The following KLHDC10 variants were observed in gnomAD, a reference collection of about 807,000 sequenced individuals.
The protein encoded by KLHDC10 is kelch domain-containing protein 10.
In KLHDC10, 24 loss-of-function variants were observed where a neutral mutation model predicts 56.1. The observed-to-expected ratio is 0.43, with a 90% CI of 0.31 to 0.60. The LOEUF (loss-of-function observed/expected upper bound fraction) is 0.60. KLHDC10 is among the 20% of genes least tolerant of loss of function. KLHDC10 has a pLI of 0.11. For synonymous variants in KLHDC10, 188 were observed against 207.1 expected, an observed-to-expected ratio of 0.91 and a Z score of 0.79; for missense variants, 349 against 567.0, an observed-to-expected ratio of 0.62 and a Z score of 3.91.
intron 1 of KLHDC10, among the ~76,000 whole-genome samples, chr7:130,090,767 C>CAT (rs1554464149): frequency 6.7e-5 from 10 of 148,254 alleles, no homozygotes; most frequent in African/African-American, 1.5e-4. Context: ...TACACATACT[C>CAT]GTGTGTGTGT....
intron 2 of KLHDC10, among the ~76,000 whole-genome samples, chr7:130,103,278 T>G (rs1183002675): frequency 6.6e-6 from 1 of 151,914 alleles, no homozygotes; most frequent in Non-Finnish European, 1.5e-5. Flanking sequence ...ACAAAAAAAT[T>G]AGCCAGGCGT....
chr7:130,090,565 G>C (rs1795757182), intron 1 of KLHDC10, among the ~76,000 whole-genome samples: 1 of 151,706 alleles, frequency 6.6e-6, no homozygotes, highest in Non-Finnish European at 1.5e-5. Flanking sequence ...TCTTGCCTGG[G>C]TGACAGAGCA....
chr7:130,078,602 T>A (rs1334271099), intron 1 of KLHDC10, among the ~76,000 whole-genome samples: 1 of 151,814 alleles, frequency 6.6e-6, no homozygotes, highest in Admixed American at 6.6e-5. Context: ...CACTGCAACC[T>A]CTGCCTCCCG....
chr7:130,087,790 C>T (rs944969030), intron 1 of KLHDC10, among the ~76,000 whole-genome samples: 2 of 149,526 alleles, frequency 1.3e-5, no homozygotes, highest in South Asian at 4.2e-4. Flanking sequence ...AATGGAGTCT[C>T]GCTCTTGTCA....
At chr7:130,079,378 A>G (rs905429893) in intron 1 of KLHDC10, among the ~76,000 whole-genome samples, 1 of 152,108 alleles carries the variant, frequency 6.6e-6, no homozygotes, top group Non-Finnish European at 1.5e-5. Context: ...TTTTTAATAA[A>G]TACTTTATTT....
At chr7:130,072,938 TAG>T (rs956705171) in intron 1 of KLHDC10, among the ~76,000 whole-genome samples, 216 of 152,186 alleles carry the variant, frequency 1.4e-3, no homozygotes, top group African/African-American at 4.9e-3. Flanking sequence ...GTATTTTTAG[TAG>T]AGACGGGATT....
rs756425261 is a variant in KLHDC10, at chr7:130,133,423, G to T, written c.*2677G>T. On this transcript the variant is annotated 3_prime_UTR_variant, in exon 10 of 10. Transcript: ENST00000335420. ...TGGATATATACAGATTATATATAGGGTGTAACTATAAAGCAGGTAGACTAC... is the reference window on the plus strand; with the variant it reads ...TGGATATATACAGATTATATATAGGTTGTAACTATAAAGCAGGTAGACTAC... 1 of 152,196 alleles carries T rather than the reference G, an allele frequency of 6.6e-6. No individual in the cohort carries two copies. Among genetic ancestry groups the T allele is most frequent in the African/African-American group, 2.4e-5 (1 of 41,450 alleles). The allele number at this position is 152,196 out of a possible 1,614,324, so 9.4% of individuals were successfully genotyped here.
Position 130,129,441 on chromosome 7 carries a change from A to G in KLHDC10, c.984A>G (p.Val328=). ...GGCTTTCTCTTTTCTTCATAGATGT[A>G]TTTATTTGTGGGGGCTATAATGGAG... The part of the protein sequence containing the change: ...CHSCVQIKND[V]FICGGYNGEV... Residue 328 remains valine (V), a synonymous_variant, in exon 9 of 10, where the codon GTA becomes GTG. Transcript: ENST00000335420. The G allele has an allele frequency of 6.2e-7, 1 of 1,613,760 alleles. No individual in the cohort carries two copies. Among genetic ancestry groups the G allele is most frequent in the African/African-American group, 1.3e-5 (1 of 74,966 alleles).
chr7:130,095,635 C>G (rs564309501), intron 1 of KLHDC10, among the ~76,000 whole-genome samples: 110 of 152,266 alleles, frequency 7.2e-4, no homozygotes, highest in Non-Finnish European at 1.4e-3. Context: ...GCAGGTGATG[C>G]CATTTCATTA....
At chr7:130,105,707 G>A (rs1795997995) in intron 2 of KLHDC10, among the ~76,000 whole-genome samples, 3 of 152,138 alleles carry the variant, frequency 2.0e-5, no homozygotes. Flanking sequence ...ATCAAGATGG[G>A]CAGTCAAAGG....
At position 130,075,591 on chromosome 7, in the gene KLHDC10, A is replaced by T. The variant is rs550057389; in HGVS notation, c.166+4782A>T. ...TTGGATGGGTATTTAAGATGTTTAC[A>T]ATCTTGCTAATACAAATAGTGATAC... On this transcript the variant is annotated intron_variant, in intron 1 of 9. Transcript: ENST00000335420. Among the ~76,000 whole-genome samples the T allele has an allele frequency of 3.9e-5, 6 of 152,324 alleles. No individual in the cohort carries two copies. In the South Asian group the frequency reaches 6.2e-4, roughly 16 times the overall value.
Position 130,120,808 on chromosome 7 carries a change from A to T in KLHDC10, c.535A>T (p.Ser179Cys), listed in dbSNP as rs1393411358. Residue 179 changes from serine to cysteine, a missense_variant, in exon 4 of 10, where the codon AGC becomes TGC. Ser to Cys is a moderately radical substitution (Grantham distance 112). This residue lies in a region of KLHDC10 where 245 missense variants were observed against 470.1 expected (regional missense o/e 0.52). Coordinates refer to ENST00000335420, the MANE Select transcript of KLHDC10 (RefSeq NM_014997.4). The surrounding 1 kb of genome is among the most constrained non-coding windows in gnomAD (Gnocchi z 5.1). ...FGGTGIPFGE[S>C]NGNDVHVCNV... The stretch of plus-strand genomic sequence containing the variant: ...AGGTACGGGCATCCCATTTGGAGAG[A>T]GCAACGGCAATGACGTCCATGTGTG... The T allele has an allele frequency of 3.7e-6, 6 of 1,614,128 alleles. No homozygotes were observed. The highest frequency in any genetic ancestry group is 8.5e-7 in the Non-Finnish European group (1 of 1,180,002).
chr7:130,095,650 G>A (rs1795838897), intron 1 of KLHDC10, among the ~76,000 whole-genome samples: 1 of 152,118 alleles, frequency 6.6e-6, no homozygotes, highest in Non-Finnish European at 1.5e-5. Context: ...TCATTATACA[G>A]AATCTGTATA....
chr7:130,127,509 T>C (rs1483974630), intron 8 of KLHDC10, 58 bp downstream of exon 8: 14 of 1,241,342 alleles, frequency 1.1e-5, no homozygotes, highest in Non-Finnish European at 1.3e-5. Flanking sequence ...TCTGAAAATG[T>C]CTTATTTCCT....
chr7:130,118,353 A>G (rs113485196), intron 3 of KLHDC10, among the ~76,000 whole-genome samples: 1 of 152,116 alleles, frequency 6.6e-6, no homozygotes, highest in African/African-American at 2.4e-5. Flanking sequence ...CTAGCTTCCA[A>G]CATTTCTTCT....
chr7:130,080,203 A>T (rs1015493378), intron 1 of KLHDC10, among the ~76,000 whole-genome samples: 1 of 151,806 alleles, frequency 6.6e-6, no homozygotes. Flanking sequence ...CAGCCTCCCA[A>T]AGTACTAGGA....
Position 130,131,048 on chromosome 7 carries a change from T to G in KLHDC10, c.*302T>G. The G allele has an allele frequency of 3.8e-6, 1 of 262,564 alleles. No individual in the cohort carries two copies. The highest frequency in any genetic ancestry group is 7.4e-6 in the Non-Finnish European group (1 of 135,060). The allele number at this position is 262,564 out of a possible 1,614,324, so 16.3% of individuals were successfully genotyped here. ...GAAAGTACCTTAATAATGTTATTAA[T>G]CAAGACAGATTCCTTTTTAAAGGAA... On this transcript the variant is annotated 3_prime_UTR_variant, in exon 10 of 10. Transcript: ENST00000335420.
chr7:130,074,899 G>A (rs1795476744), intron 1 of KLHDC10, among the ~76,000 whole-genome samples: 3 of 152,200 alleles, frequency 2.0e-5, no homozygotes, highest in South Asian at 2.1e-4. Flanking sequence ...GTGAGCCACC[G>A]TGCCTGGCCA....
At chr7:130,121,528 G>A (rs1796247989) in intron 4 of KLHDC10, among the ~76,000 whole-genome samples, 1 of 152,164 alleles carries the variant, frequency 6.6e-6, no homozygotes, top group Non-Finnish European at 1.5e-5. Flanking sequence ...CTTCAAAGGA[G>A]CACATACTGG....
Sources: gnomAD v4.1 joint callset for allele counts (sites outside exome capture counted in the v4.1 genomes callset) on GRCh38, gnomAD v4.1.1 for gene constraint, gnomAD v4.1.1 regional missense constraint, Gnocchi (gnomAD v3.1) non-coding constraint, MANE v1.5 for transcripts, NCBI Gene and HGNC (gene_info 2026-07-23, HGNC 2026-07-21) for gene names.